The following HSD17B7 variants were observed in gnomAD, a reference collection of about 807,000 sequenced individuals.
HSD17B7 encodes the protein 3-keto-steroid reductase/17-beta-hydroxysteroid dehydrogenase 7.
HSD17B7 carries 17 observed loss-of-function variants against 34.1 expected under a neutral mutation model. The ratio of observed to expected loss-of-function variants is 0.50; its 90% CI spans 0.34 to 0.75. The LOEUF is 0.75. HSD17B7 is among the 30% of genes least tolerant of loss of function. The pLI, the probability that HSD17B7 is intolerant of heterozygous loss-of-function variation, is 0.01. For missense variants in HSD17B7, 296 were observed against 406.6 expected (o/e 0.73, Z 2.34); for synonymous variants, 122 against 154.6 (o/e 0.79, Z 1.56).
At chr1:162,799,576 C>T in intron 4 of HSD17B7, 167 bp from the exon 5 acceptor site, 1 of 586,352 alleles carries the variant, frequency 1.7e-6, no homozygotes, top group Non-Finnish European at 3.1e-6. Context: ...TGTATGTATA[C>T]ATATCTATAA....
At chr1:162,798,736 C>G (rs1444179902) in intron 4 of HSD17B7, 1 of 155,648 alleles carries the variant, frequency 6.4e-6, no homozygotes, top group Non-Finnish European at 1.4e-5. Context: ...TGGCTCCTGC[C>G]TCTAATCCCA....
intron 8 of HSD17B7, among the ~76,000 whole-genome samples, chr1:162,809,613 G>A (rs1468972498): frequency 1.3e-5 from 2 of 152,008 alleles, no homozygotes; most frequent in Non-Finnish European, 2.9e-5. Flanking sequence ...TTTTTGGTTG[G>A]TAGGCTATTA....
intron 3 of HSD17B7, chr1:162,797,139 A>C (rs1648638871): frequency 6.2e-6 from 1 of 162,098 alleles, no homozygotes; most frequent in African/African-American, 2.4e-5. Context: ...GTTGAAACAC[A>C]ACCAGGAGAA....
chr1:162,803,476 T>C lies in HSD17B7; in HGVS notation c.688T>C (p.Leu230=). 2 of 1,613,180 alleles carry C rather than the reference T, an allele frequency of 1.2e-6. No homozygotes were observed. Among genetic ancestry groups the C allele is most frequent in the Non-Finnish European group, 1.7e-6 (2 of 1,179,282 alleles). ...CTGTCCAGGTACAGCATTGACCAAT[T>C]TGACATATGGAATTCTGCCTCCGTT... ...VACPGTALTN[L]TYGILPPFIW... The change falls in exon 6 of 9, where the codon TTG becomes CTG. Residue 230 remains leucine (L), a synonymous_variant. Coordinates refer to ENST00000254521, the MANE Select transcript of HSD17B7 (RefSeq NM_016371.4).
intron 2 of HSD17B7, among the ~76,000 whole-genome samples, chr1:162,794,951 G>C (rs1648552202): frequency 6.6e-6 from 1 of 152,226 alleles, no homozygotes; most frequent in African/African-American, 2.4e-5. Context: ...GCAGAAGGGA[G>C]CACTTCAGGT....
chr1:162,801,261 C>G (rs1648805061), intron 5 of HSD17B7, among the ~76,000 whole-genome samples: 2 of 152,174 alleles, frequency 1.3e-5, no homozygotes, highest in Non-Finnish European at 2.9e-5. Context: ...AGCACTTGCG[C>G]CCAGCCTGAA....
intron 2 of HSD17B7, among the ~76,000 whole-genome samples, chr1:162,796,033 A>G (rs1354144989): frequency 2.6e-5 from 4 of 152,150 alleles, no homozygotes; most frequent in Non-Finnish European, 5.9e-5. Flanking sequence ...TTTAGGATAC[A>G]TAGGACTTGT....
At chr1:162,796,908 G>T (rs141946813) in intron 3 of HSD17B7, among the ~76,000 whole-genome samples, 1,553 of 152,224 alleles carry the variant, frequency 0.01, 31 homozygotes, top group African/African-American at 0.036. Flanking sequence ...CATTCTAAAT[G>T]GTTTAGAAGG....
intron 2 of HSD17B7, among the ~76,000 whole-genome samples, chr1:162,795,319 A>G (rs1225457899): frequency 1.3e-5 from 2 of 152,218 alleles, no homozygotes; most frequent in Non-Finnish European, 2.9e-5. Flanking sequence ...GAAAACTAGT[A>G]AGAAATAGTG....
intron 4 of HSD17B7, chr1:162,798,245 C>T (rs1290218983): frequency 3.9e-6 from 1 of 254,764 alleles, no homozygotes; most frequent in East Asian, 8.7e-5. Context: ...ATAGATGAAT[C>T]AATTCTGCTA....
chr1:162,793,026 T>TATTTA, intron 2 of HSD17B7, 164 bp downstream of exon 2: 1 of 495,136 alleles, frequency 2.0e-6, no homozygotes, highest in Non-Finnish European at 3.3e-6. Context: ...TACCACGTTT[T>TATTTA]CTTTCTTTTT....
At chr1:162,792,911 A>G (rs1558091666) in intron 2 of HSD17B7, 49 bp downstream of exon 2, 1 of 1,564,346 alleles carries the variant, frequency 6.4e-7, no homozygotes, top group Admixed American at 1.7e-5. Context: ...TGTGCAGCAT[A>G]ACACTTAATA....
chr1:162,801,099 C>T (rs565422238), intron 5 of HSD17B7, among the ~76,000 whole-genome samples: 11 of 152,150 alleles, frequency 7.2e-5, no homozygotes, highest in Non-Finnish European at 1.6e-4. Context: ...TGTACCTCAG[C>T]TTCTCAAGTA....
chr1:162,802,599 G>T (rs1648848772), intron 5 of HSD17B7, among the ~76,000 whole-genome samples: 2 of 151,962 alleles, frequency 1.3e-5, no homozygotes, highest in African/African-American at 4.8e-5. Flanking sequence ...CTGTTAAACT[G>T]GCACTTCCTA....
rs1260712952 is a variant in HSD17B7 at position 162,812,361 on chromosome 1, A to G, written c.967A>G (p.Ile323Val). 1 of 1,612,004 alleles carries G rather than the reference A, an allele frequency of 6.2e-7. No individual in the cohort carries two copies. The highest frequency in any genetic ancestry group is 8.5e-7 in the Non-Finnish European group (1 of 1,178,860). Reference protein sequence around the residue: ...YQKLLELEKHIRVTIQKTDNQ... With the variant: ...YQKLLELEKHVRVTIQKTDNQ... ...AAAGTTACTGGAACTGGAAAAGCAC[A>G]TTAGGGTCACTATTCAAAAAACAGA... Residue 323 changes from isoleucine to valine, a missense_variant, in exon 9 of 9, where the codon ATT becomes GTT. By Grantham distance (29) the Ile-to-Val change is conservative (BLOSUM62 3). Transcript: ENST00000254521.
At chr1:162,808,724 G>A (rs1649073160) in intron 8 of HSD17B7, among the ~76,000 whole-genome samples, 1 of 152,112 alleles carries the variant, frequency 6.6e-6, no homozygotes. Context: ...TATTCTCTTT[G>A]AAGCAATTGT....
chr1:162,805,442 T>C lies in HSD17B7; in HGVS notation c.853T>C (p.Tyr285His). 6.2e-7 allele frequency: 1 copy of C among 1,613,228 alleles called. No individual in the cohort carries two copies. The highest frequency in any genetic ancestry group is 8.5e-7 in the Non-Finnish European group (1 of 1,179,402). ...TGAATCTCTCAATCCTCTGATCAAATATCTGAGTGCCACCACTGGCTTTGG... is the reference window on the plus strand; with the variant it reads ...TGAATCTCTCAATCCTCTGATCAAACATCTGAGTGCCACCACTGGCTTTGG... ...KPESLNPLIK[Y>H]LSATTGFGRN... Residue 285 changes from tyrosine (Y) to histidine (H), a missense_variant, in exon 8 of 9, where the codon TAT (tyrosine) becomes CAT (histidine). Tyr to His is a moderately conservative substitution (Grantham distance 83). Coordinates refer to ENST00000254521, the MANE Select transcript of HSD17B7 (RefSeq NM_016371.4).
Position 162,805,505 on chromosome 1 carries a change from A to G in HSD17B7, c.903+13A>G. The G allele has an allele frequency of 6.2e-7, 1 of 1,611,028 alleles. No homozygotes were observed. Among genetic ancestry groups the G allele is most frequent in the Non-Finnish European group, 8.5e-7 (1 of 1,178,304 alleles). On this transcript the variant is annotated intron_variant, in intron 8 of 8. Transcript: ENST00000254521. ...TATGACCCAGAAGGTAAATGTGCTT[A>G]CATTGTTGCACTGATGTTTGCTGTT... is the stretch of plus-strand genomic sequence containing the variant.
chr1:162,793,434 G>A (rs186140037), intron 2 of HSD17B7, among the ~76,000 whole-genome samples: 4 of 152,136 alleles, frequency 2.6e-5, no homozygotes, highest in East Asian at 3.9e-4. Context: ...GATTACAGGC[G>A]TGAGCCATTG....
Sources: allele counts gnomAD v4.1 joint callset (sites outside exome capture counted in the v4.1 genomes callset), GRCh38; gene constraint gnomAD v4.1.1; transcripts MANE v1.5; gene names NCBI Gene and HGNC (gene_info 2026-07-23, HGNC 2026-07-21).